The following C17orf107 variants were observed in gnomAD, a reference collection of about 807,000 sequenced individuals.
C17orf107 encodes the protein chromosome 17 open reading frame 107.
In C17orf107, 9 loss-of-function variants were observed where a neutral mutation model predicts 8.9. The observed-to-expected ratio is 1.02, with a 90% confidence interval of 0.61 to 1.77. The LOEUF is 1.77. Ranked by LOEUF, C17orf107 falls within the 40% of genes most tolerant of loss-of-function variation. The pLI, the probability that C17orf107 is intolerant of heterozygous loss-of-function variation, is 0.00. For synonymous variants in C17orf107, 139 were observed against 120.3 expected, an observed-to-expected ratio of 1.16 and a Z score of -1.02; for missense variants, 281 against 249.0, an observed-to-expected ratio of 1.13 and a Z score of -0.86.
At chr17:4,904,897 G>T (rs1309121660), downstream of C17orf107, among the ~76,000 whole-genome samples, 1 of 152,140 alleles carries the variant, frequency 6.6e-6, no homozygotes, top group Admixed American at 6.5e-5. Flanking sequence ...TCAACCCCAC[G>T]ATTTCCATTT....
downstream of C17orf107, among the ~76,000 whole-genome samples, chr17:4,903,810 ATACACACACACC>A (rs1256726520): frequency 6.6e-6 from 1 of 152,126 alleles, no homozygotes; most frequent in East Asian, 1.9e-4. Flanking sequence ...ACGTGCACAC[ATACACACACACC>A]TGATGACACC....
Position 4,901,865 on chromosome 17 carries a change from G to T in C17orf107, c.*1332G>T. On this transcript the variant is annotated 3_prime_UTR_variant, in exon 3 of 3. Transcript: ENST00000381365. Reference sequence around the variant, plus strand: ...CCCGCCCCGAGGGCGGTGCTTCCCGGTTGGCCCCGCCCCATAAGGCCCCCC... The same window carrying T: ...CCCGCCCCGAGGGCGGTGCTTCCCGTTTGGCCCCGCCCCATAAGGCCCCCC... 6.3e-7 allele frequency: 1 copy of T among 1,596,868 alleles called. No homozygotes were observed. The highest frequency in any genetic ancestry group is 8.6e-7 in the Non-Finnish European group (1 of 1,168,514).
Position 4,902,762 on chromosome 17 carries a change from G to A in C17orf107, c.*2229G>A, listed in dbSNP as rs1298469161. The A allele has an allele frequency of 1.9e-6, 3 of 1,613,914 alleles. No homozygotes were observed. The highest frequency in any genetic ancestry group is 2.2e-5 in the East Asian group (1 of 44,868). On this transcript the variant is annotated 3_prime_UTR_variant, in exon 3 of 3. Transcript: ENST00000381365. The surrounding 1 kb of genome is among the most constrained non-coding windows in gnomAD (Gnocchi z 4.0). ...GTTCCTCGTTCTTCCCCACACCCCT[G>A]CCTGCGATGGGGTCAAGAAGGAAGG...
Position 4,902,710 on chromosome 17 carries a change from T to A in C17orf107, c.*2177T>A, listed in dbSNP as rs1213436497. On this transcript the variant is annotated 3_prime_UTR_variant, in exon 3 of 3. Coordinates refer to ENST00000381365, the MANE Select transcript of C17orf107 (RefSeq NM_001145536.2). The surrounding 1 kb of genome is among the most constrained non-coding windows in gnomAD (Gnocchi z 4.0). The stretch of plus-strand genomic sequence containing the variant: ...ACTGGCCGGCTTCCTGGGTCATAGT[T>A]GTTGAAGAGATGGTGATAAAGACGC... 1.2e-6 allele frequency: 2 copies of A among 1,613,978 alleles called. No individual in the cohort carries two copies. Among genetic ancestry groups the A allele is most frequent in the East Asian group, 4.5e-5 (2 of 44,852 alleles).
Position 4,901,797 on chromosome 17 carries a change from T to A in C17orf107, c.*1264T>A. ...CTGTACCTCCGGCCGCGCTGGAGCG[T>A]CCCACCCAGTGCCTACGCCTGGCTC... On this transcript the variant is annotated 3_prime_UTR_variant, in exon 3 of 3. Coordinates refer to ENST00000381365, the MANE Select transcript of C17orf107 (RefSeq NM_001145536.2). 1.5e-6 allele frequency: 2 copies of A among 1,377,240 alleles called. No homozygotes were observed. The highest frequency in any genetic ancestry group is 2.0e-6 in the Non-Finnish European group (2 of 978,392). 85.3% of individuals were successfully genotyped at this position (1,377,240 alleles called of 1,614,324 possible).
At position 4,901,832 on chromosome 17, in the gene C17orf107, C is replaced by G; in HGVS notation, c.*1299C>G. ...TGCCTACGCCTGGCTCCGCCTCCAG[C>G]GCGAAGCCCCGCCCCGAGGGCGGTG... is the stretch of plus-strand genomic sequence containing the variant. On this transcript the variant is annotated 3_prime_UTR_variant, in exon 3 of 3. Transcript: ENST00000381365. The G allele has an allele frequency of 3.2e-6, 5 of 1,541,740 alleles. No individual in the cohort carries two copies. Among genetic ancestry groups the G allele is most frequent in the Non-Finnish European group, 4.5e-6 (5 of 1,122,784 alleles).
rs1597619900 is a variant in C17orf107 at position 4,901,287 on chromosome 17, T to G, written c.*754T>G. The G allele has an allele frequency of 7.3e-7, 1 of 1,367,656 alleles. No homozygotes were observed. Among genetic ancestry groups the G allele is most frequent in the South Asian group, 1.2e-5 (1 of 81,656 alleles). The allele number at this position is 1,367,656 out of a possible 1,614,324, so 84.7% of individuals were successfully genotyped here. ...GAGGCTGCGGCTGTCTGCACCAGGG[T>G]CATGGGCCGTCAGGATGGGGGCAAT... On this transcript the variant is annotated 3_prime_UTR_variant, in exon 3 of 3. Coordinates refer to ENST00000381365, the MANE Select transcript of C17orf107 (RefSeq NM_001145536.2).
downstream of C17orf107, among the ~76,000 whole-genome samples, chr17:4,906,260 G>A (rs569980748): frequency 2.0e-5 from 3 of 152,214 alleles, no homozygotes; most frequent in East Asian, 5.8e-4. Context: ...TAGTGGGTGT[G>A]GCAGGCCCTG....
At position 4,899,616 on chromosome 17, in the gene C17orf107, C is replaced by T. The variant is rs1378446546; in HGVS notation, c.-147C>T. On this transcript the variant is annotated 5_prime_UTR_variant, in exon 1 of 3. Transcript: ENST00000381365. ...CCCGGAAGGCATGACATCACCGTTC[C>T]TCCTCCCAGCTACCGAAGGCGCCGC... 1.3e-6 allele frequency: 2 copies of T among 1,506,840 alleles called. No homozygotes were observed. Among genetic ancestry groups the T allele is most frequent in the Non-Finnish European group, 1.8e-6 (2 of 1,105,244 alleles). 93.3% of individuals were successfully genotyped at this position (1,506,840 alleles called of 1,614,324 possible). A position where few individuals can be genotyped will look rare whatever the true frequency, so the allele number is the denominator to read the frequency against.
In C17orf107 at chr17:4,899,561, C is replaced by A; in HGVS notation, c.-202C>A. ...AATTCATGACAATGAGCGTGGCGAC[C>A]ACCATGACGAAAATAAGGAACCTGA... On this transcript the variant is annotated 5_prime_UTR_variant, in exon 1 of 3. Transcript: ENST00000381365. 6.3e-7 allele frequency: 1 copy of A among 1,593,558 alleles called. No individual in the cohort carries two copies. The highest frequency in any genetic ancestry group is 2.3e-5 in the East Asian group (1 of 44,152).
chr17:4,904,887 T>C (rs1267613878), downstream of C17orf107, among the ~76,000 whole-genome samples: 2 of 152,246 alleles, frequency 1.3e-5, no homozygotes, highest in Non-Finnish European at 2.9e-5. Context: ...TGCTGCCTTA[T>C]CAACCCCACG....
At position 4,900,559 on chromosome 17, in the gene C17orf107, G is replaced by A. The variant is rs1597618181; in HGVS notation, c.*26G>A. On this transcript the variant is annotated 3_prime_UTR_variant, in exon 3 of 3. Transcript: ENST00000381365. Reference sequence around the variant, plus strand: ...GGGCCAGAGGCGGCGGGGCTAGGGAGGCACTGAGCCGGACTGTCCCCCAAG... The same window carrying A: ...GGGCCAGAGGCGGCGGGGCTAGGGAAGCACTGAGCCGGACTGTCCCCCAAG... The A allele has an allele frequency of 6.5e-7, 1 of 1,550,276 alleles. No individual in the cohort carries two copies. The highest frequency in any genetic ancestry group is 1.2e-5 in the South Asian group (1 of 84,052).
Position 4,901,644 on chromosome 17 carries a change from G to A in C17orf107, c.*1111G>A, listed in dbSNP as rs370186965. On this transcript the variant is annotated 3_prime_UTR_variant, in exon 3 of 3. Transcript: ENST00000381365. ...CTGAGAGCTGCGGAGCCAGGGCCGG[G>A]AGCCCACCCCAGAAGCTCTGACCTG... The A allele has an allele frequency of 3.1e-6, 5 of 1,610,476 alleles. No individual in the cohort carries two copies. In the African/African-American group the frequency reaches 4.0e-5, roughly 13 times the overall value.
chr17:4,900,023 A>G lies in C17orf107; in HGVS notation c.154A>G (p.Lys52Glu), dbSNP rs899611830. The change falls in exon 2 of 3, where the codon AAG becomes GAG. Residue 52 changes from lysine (K) to glutamate (E), a missense_variant. By Grantham distance (56) the Lys-to-Glu change is moderately conservative. Transcript: ENST00000381365. ...EYLEQRFREL[K>E]SLEPPEPKMQ... is the part of the protein sequence containing the mutation. ...TCTGGAGCAGAGGTTCAGAGAGCTG[A>G]AGTCCCTGGAGCCACCCGAACCGAA... 6.4e-7 allele frequency: 1 copy of G among 1,551,326 alleles called. No individual in the cohort carries two copies. The highest frequency in any genetic ancestry group is 1.4e-5 in the African/African-American group (1 of 73,034).
rs770930061 is a variant in C17orf107, at chr17:4,902,587, T to C, written c.*2054T>C. 6.2e-7 allele frequency: 1 copy of C among 1,613,930 alleles called. No homozygotes were observed. Among genetic ancestry groups the C allele is most frequent in the Non-Finnish European group, 8.5e-7 (1 of 1,179,964 alleles). On this transcript the variant is annotated 3_prime_UTR_variant, in exon 3 of 3. Transcript: ENST00000381365. The surrounding 1 kb of genome is among the most constrained non-coding windows in gnomAD (Gnocchi z 4.0). ...TCAGCGGTTGGGGCCAGAAGTGGGA[T>C]TTTTGGCTTAAGATGAGGGTGGGGG... is the stretch of plus-strand genomic sequence containing the variant.
In C17orf107 at chr17:4,901,757, C is replaced by G. The variant is rs997273984; in HGVS notation, c.*1224C>G. 1 of 1,236,264 alleles carries G rather than the reference C, an allele frequency of 8.1e-7. No homozygotes were observed. The highest frequency in any genetic ancestry group is 1.2e-6 in the Non-Finnish European group (1 of 858,480). 76.6% of individuals were successfully genotyped at this position (1,236,264 alleles called of 1,614,324 possible). A position where few individuals can be genotyped will look rare whatever the true frequency, so the allele number is the denominator to read the frequency against. ...CCCCTTCACCCAAGCCCAGCCCGCA[C>G]GCCTCTGTTCCCATCTGTACCTCCG... On this transcript the variant is annotated 3_prime_UTR_variant, in exon 3 of 3. Transcript: ENST00000381365.
At chr17:4,903,706 G>T (rs565439382), downstream of C17orf107, among the ~76,000 whole-genome samples, 1 of 152,116 alleles carries the variant, frequency 6.6e-6, no homozygotes, top group Non-Finnish European at 1.5e-5. Flanking sequence ...CAGCCCCTCT[G>T]GGTGGGAGAC....
downstream of C17orf107, among the ~76,000 whole-genome samples, chr17:4,903,556 AAC>A (rs1173461766): frequency 1.3e-5 from 2 of 152,172 alleles, no homozygotes. Context: ...AGTGGCAAAA[AAC>A]AGTCTCCATA....
rs1597616262 is a variant in C17orf107, at chr17:4,899,778, A to C, written c.16A>C (p.Ser6Arg). Residue 6 changes from serine (S) to arginine (R), a missense_variant, in exon 1 of 3, where the codon AGC (serine) becomes CGC (arginine). Coordinates refer to ENST00000381365, the MANE Select transcript of C17orf107 (RefSeq NM_001145536.2). ...TGTGGCGGCCATGAAGGGGACCCCC[A>C]GCTCCCTGGACACCCTGATGTGGAT... MKGTPSSLDTLMWIYH... is the reference protein window; with the variant it reads MKGTPRSLDTLMWIYH... The C allele has an allele frequency of 6.4e-7, 1 of 1,550,676 alleles. No individual in the cohort carries two copies. The highest frequency in any genetic ancestry group is 8.7e-7 in the Non-Finnish European group (1 of 1,146,816).
Sources: allele counts gnomAD v4.1 joint callset (sites outside exome capture counted in the v4.1 genomes callset), GRCh38; gene constraint gnomAD v4.1.1; non-coding constraint Gnocchi (gnomAD v3.1); transcripts MANE v1.5; gene names NCBI Gene and HGNC (gene_info 2026-07-23, HGNC 2026-07-21).